Variants in STARD13 observed in about 807,000 individuals in gnomAD.
The protein encoded by STARD13 is StAR related lipid transfer domain containing 13.
STARD13 carries 62 observed loss-of-function variants against 106.4 expected under a neutral mutation model. That is an observed-to-expected ratio of 0.58 (90% CI 0.48 to 0.72). STARD13 has a LOEUF of 0.72. Ranked by LOEUF, STARD13 falls within the 30% of genes least tolerant of loss-of-function variation. The pLI is 0.00. For synonymous variants in STARD13, 565 were observed against 553.0 expected (o/e 1.02, Z -0.31); for missense variants, 1,387 against 1,424.0 (o/e 0.97, Z 0.42).
At chr13:33,194,757 G>T (rs1886495944) in intron 1 of STARD13, among the ~76,000 whole-genome samples, 1 of 152,134 alleles carries the variant, frequency 6.6e-6, no homozygotes, top group African/African-American at 2.4e-5. Context: ...AGTGAAAATG[G>T]ATTTTTAAAA....
chr13:33,372,685 A>C, the STARD13 span, among the ~76,000 whole-genome samples: 1 of 152,114 alleles, frequency 6.6e-6, no homozygotes, highest in East Asian at 1.9e-4. Context: ...TCTGTGGCCT[A>C]ATGATAGTTT....
At chr13:33,663,982 C>T in the STARD13 span, among the ~76,000 whole-genome samples, 1 of 152,170 alleles carries the variant, frequency 6.6e-6, no homozygotes, top group Admixed American at 6.5e-5. Flanking sequence ...CAACTTCCAA[C>T]GGGAAGGGAA....
chr13:33,301,558 C>CTTTTTTT, intron 1 of STARD13, among the ~76,000 whole-genome samples: 1 of 13,040 alleles, frequency 7.7e-5, no homozygotes, highest in Non-Finnish European at 3.5e-4. Flanking sequence ...GTTTCTTTTT[C>CTTTTTTT]TTTTTTTTTC....
At chr13:33,268,610 G>T (rs906947502) in intron 1 of STARD13, among the ~76,000 whole-genome samples, 1 of 152,162 alleles carries the variant, frequency 6.6e-6, no homozygotes, top group African/African-American at 2.4e-5. Flanking sequence ...CTTACCCAAG[G>T]TCACACAGCG....
the STARD13 span, among the ~76,000 whole-genome samples, chr13:33,619,763 T>C: frequency 3.3e-5 from 5 of 152,094 alleles, no homozygotes; most frequent in East Asian, 7.7e-4. Flanking sequence ...ATAATAATAT[T>C]AGATGTAAAT....
chr13:33,493,669 A>G, the STARD13 span, among the ~76,000 whole-genome samples: 2 of 152,224 alleles, frequency 1.3e-5, no homozygotes, highest in Admixed American at 6.5e-5. Flanking sequence ...TGCTCTAAAA[A>G]TTAAAGTTTA....
intron 1 of STARD13, chr13:33,277,938 C>T (rs1399470285): frequency 6.6e-6 from 1 of 152,126 alleles, no homozygotes; most frequent in Admixed American, 6.6e-5. Flanking sequence ...TTGTGGCTGG[C>T]CTTTTTGGAA....
At chr13:33,535,515 A>G in the STARD13 span, among the ~76,000 whole-genome samples, 1 of 152,186 alleles carries the variant, frequency 6.6e-6, no homozygotes, top group African/African-American at 2.4e-5. Flanking sequence ...ACTTAAAAAT[A>G]CAACTTCCAG....
chr13:33,394,828 G>T, the STARD13 span, among the ~76,000 whole-genome samples: 1 of 152,208 alleles, frequency 6.6e-6, no homozygotes, highest in South Asian at 2.1e-4. Context: ...ATTCAGAGGA[G>T]TGTTTGTAGA....
chr13:33,154,494 A>C (rs1407982334), intron 3 of STARD13, among the ~76,000 whole-genome samples: 1 of 152,230 alleles, frequency 6.6e-6, no homozygotes. Context: ...AATTTCATTT[A>C]GCTTGTGCAA....
chr13:33,376,380 T>A, the STARD13 span, among the ~76,000 whole-genome samples: 26 of 152,286 alleles, frequency 1.7e-4, no homozygotes, highest in African/African-American at 5.5e-4. Flanking sequence ...TACTTACGCA[T>A]TCTAGAAGTG....
intron 1 of STARD13, among the ~76,000 whole-genome samples, chr13:33,330,080 G>T (rs967238767): frequency 6.6e-6 from 1 of 152,196 alleles, no homozygotes; most frequent in Non-Finnish European, 1.5e-5. Context: ...GTAAAATGCT[G>T]CAGTGAACAT....
At chr13:33,128,617 T>G (rs2138159099) in intron 5 of STARD13, among the ~76,000 whole-genome samples, 1 of 152,268 alleles carries the variant, frequency 6.6e-6, no homozygotes, top group South Asian at 2.1e-4. Context: ...GAACTGGGTA[T>G]TGGTTATCCA....
At chr13:33,137,859 T>C (rs757008746) in intron 4 of STARD13, among the ~76,000 whole-genome samples, 1 of 152,094 alleles carries the variant, frequency 6.6e-6, no homozygotes, top group Non-Finnish European at 1.5e-5. Flanking sequence ...ATCTGACTGC[T>C]CTTTGGAGTT....
chr13:33,320,522 C>T (rs1893518240), intron 1 of STARD13, among the ~76,000 whole-genome samples: 1 of 152,204 alleles, frequency 6.6e-6, no homozygotes, highest in Non-Finnish European at 1.5e-5. Context: ...ATTTGAAATT[C>T]TTCTGAAGAT....
At chr13:33,440,407 G>T in the STARD13 span, among the ~76,000 whole-genome samples, 1 of 152,070 alleles carries the variant, frequency 6.6e-6, no homozygotes, top group South Asian at 2.1e-4. Flanking sequence ...GCCAGGCCCT[G>T]CGTCACTGTG....
the STARD13 span, among the ~76,000 whole-genome samples, chr13:33,576,936 C>G: frequency 1.3e-5 from 2 of 152,150 alleles, no homozygotes; most frequent in Non-Finnish European, 1.5e-5. Flanking sequence ...TTTAAAGCCA[C>G]CAGCTGTCTA....
At chr13:33,111,707 GC>G in intron 10 of STARD13, 70 bp downstream of exon 10, 1 of 900,754 alleles carries the variant, frequency 1.1e-6, no homozygotes, top group Non-Finnish European at 1.8e-6. Context: ...CATAAATGTA[GC>G]AACAATCCCA....
chr13:33,160,363 T>C (rs1882479235), intron 3 of STARD13, among the ~76,000 whole-genome samples: 1 of 152,164 alleles, frequency 6.6e-6, no homozygotes, highest in South Asian at 2.1e-4. Flanking sequence ...AAACATAGGG[T>C]AAATAGTTGT....
Sources: gnomAD v4.1 joint callset for allele counts (sites outside exome capture counted in the v4.1 genomes callset) on GRCh38, gnomAD v4.1.1 for gene constraint, MANE v1.5 for transcripts, NCBI Gene and HGNC (gene_info 2026-07-23, HGNC 2026-07-21) for gene names.